The following PCDHA1 variants were observed in gnomAD, a reference collection of about 807,000 sequenced individuals.
The protein encoded by PCDHA1 is protocadherin alpha-1.
PCDHA1 carries 42 observed loss-of-function variants against 61.3 expected under a neutral mutation model. The ratio of observed to expected loss-of-function variants is 0.69; its 90% CI spans 0.54 to 0.89. The LOEUF (loss-of-function observed/expected upper bound fraction) is 0.89. Ranked by LOEUF, PCDHA1 falls within the 40% of genes least tolerant of loss-of-function variation. The pLI is 0.00. For synonymous variants in PCDHA1, 610 were observed against 553.8 expected (o/e 1.10, Z -1.43); for missense variants, 1,256 against 1,235.3 (o/e 1.02, Z -0.25).
At chr5:140,838,621 C>T (rs2150290768) in intron 1 of PCDHA1, among the ~76,000 whole-genome samples, 40 of 151,992 alleles carry the variant, frequency 2.6e-4, no homozygotes, top group Non-Finnish European at 5.1e-4. Context: ...AAATTTTTTA[C>T]AAATAATTTG....
intron 1 of PCDHA1, chr5:140,927,739 CG>C: frequency 1.2e-6 from 2 of 1,614,212 alleles, no homozygotes; most frequent in Non-Finnish European, 1.7e-6. Flanking sequence ...GCTGCGACAC[CG>C]CTTTCACGTG....
intron 1 of PCDHA1, chr5:140,823,703 G>C: frequency 6.2e-7 from 1 of 1,613,934 alleles, no homozygotes; most frequent in Non-Finnish European, 8.5e-7. Context: ...GAAGCACCGC[G>C]CCACCGCCTT....
intron 1 of PCDHA1, among the ~76,000 whole-genome samples, chr5:140,919,297 G>C (rs1351756549): frequency 6.6e-6 from 1 of 152,120 alleles, no homozygotes; most frequent in African/African-American, 2.4e-5. Context: ...GTTGCTGTTT[G>C]TACAATATAT....
intron 1 of PCDHA1, chr5:140,803,661 G>A (rs1554122919): frequency 6.2e-7 from 1 of 1,607,224 alleles, no homozygotes; most frequent in South Asian, 1.1e-5. Flanking sequence ...CACTCCTCTG[G>A]AAATACATTA....
At chr5:140,821,919 G>A (rs190099815) in intron 1 of PCDHA1, 67 of 1,614,198 alleles carry the variant, frequency 4.2e-5, no homozygotes, top group Non-Finnish European at 5.1e-5. Flanking sequence ...GCCGCATCGC[G>A]CAGGACCTAG....
chr5:140,828,150 T>C, intron 1 of PCDHA1: 1 of 1,614,088 alleles, frequency 6.2e-7, no homozygotes, highest in Non-Finnish European at 8.5e-7. Flanking sequence ...CCGCTTCTGC[T>C]CCTCGCAGCC....
chr5:140,834,978 CTT>C (rs1344020761), intron 1 of PCDHA1: 1 of 1,479,296 alleles, frequency 6.8e-7, no homozygotes, highest in Non-Finnish European at 9.1e-7. Flanking sequence ...ATTACGGAAA[CTT>C]TTAGACAGAG....
At chr5:140,801,648 C>G (rs782225894) in intron 1 of PCDHA1, 3 of 1,614,038 alleles carry the variant, frequency 1.9e-6, no homozygotes, top group Non-Finnish European at 2.5e-6. Flanking sequence ...GCCTGGCTCT[C>G]GGTTTTCGCT....
At chr5:140,793,336 G>A (rs1281252191) in intron 1 of PCDHA1, among the ~76,000 whole-genome samples, 1 of 152,216 alleles carries the variant, frequency 6.6e-6, no homozygotes, top group African/African-American at 2.4e-5. Context: ...CCATGTATGA[G>A]TCAGTACAGG....
At chr5:140,953,928 C>T (rs246028) in intron 1 of PCDHA1, among the ~76,000 whole-genome samples, 85,608 of 151,876 alleles carry the variant, frequency 0.56, 24,758 homozygotes, top group African/African-American at 0.69. Flanking sequence ...CTTCCTGATG[C>T]TCTCCCTCCC....
intron 1 of PCDHA1, chr5:140,927,252 C>A: frequency 6.2e-7 from 1 of 1,614,134 alleles, no homozygotes; most frequent in Non-Finnish European, 8.5e-7. Flanking sequence ...CCAATGACAA[C>A]TCACCTCTCT....
At chr5:140,818,754 C>T (rs2150102291) in intron 1 of PCDHA1, among the ~76,000 whole-genome samples, 1 of 152,194 alleles carries the variant, frequency 6.6e-6, no homozygotes, top group Non-Finnish European at 1.5e-5. Context: ...TGGAGGATGG[C>T]TTGAGCCTGA....
intron 1 of PCDHA1, among the ~76,000 whole-genome samples, chr5:140,971,248 A>G (rs552592175): frequency 6.6e-6 from 1 of 152,330 alleles, no homozygotes; most frequent in East Asian, 1.9e-4. Context: ...AATTTGATAC[A>G]TAAACTATTT....
At position 140,788,502 on chromosome 5, in the gene PCDHA1, A is replaced by T. The variant is rs182968439; in HGVS notation, c.2212A>T (p.Thr738Ser). 117 of 1,614,036 alleles carry T rather than the reference A, an allele frequency of 7.2e-5. No individual in the cohort carries two copies. The East Asian group carries it at 2.0e-3, about 28-fold the overall frequency. Residue 738 changes from threonine (T) to serine (S), a missense_variant, in exon 1 of 4, where the codon ACT becomes TCT. Physicochemically the swap from Thr to Ser is moderately conservative, Grantham distance 58 (BLOSUM62 1). Coordinates refer to ENST00000504120, the MANE Select transcript of PCDHA1 (RefSeq NM_018900.4). ...GGGTGCGTATGTGCCGGGCAAGCCC[A>T]CTCTGGTGTGCTCCAGCGCGTTGGG... ...TEGAYVPGKP[T>S]LVCSSALGSW...
At chr5:140,838,077 AGTGTGTGTGTG>A (rs1775481751) in intron 1 of PCDHA1, among the ~76,000 whole-genome samples, 1 of 80,664 alleles carries the variant, frequency 1.2e-5, no homozygotes, top group East Asian at 3.3e-4. Context: ...ATATATATAT[AGTGTGTGTGTG>A]TGTGTGTGTG....
At chr5:140,875,242 T>A in intron 1 of PCDHA1, 1 of 943,028 alleles carries the variant, frequency 1.1e-6, no homozygotes, top group Non-Finnish European at 1.5e-6. Flanking sequence ...TGTACTTACA[T>A]AATCAGTCAC....
rs188500854 is a variant in PCDHA1 at position 140,955,348 on chromosome 5, G to C, written c.2395-23601G>C. ...GTAGTTCCCATAATCCCCACATGTT[G>C]TGAGAGGGACCCAGTGGGAGGTAAT... On this transcript the variant is annotated intron_variant, in intron 1 of 3. Coordinates refer to ENST00000504120, the MANE Select transcript of PCDHA1 (RefSeq NM_018900.4). Among the ~76,000 whole-genome samples the C allele has an allele frequency of 1.6e-4, 24 of 152,204 alleles. No individual in the cohort carries two copies. The East Asian group carries it at 2.7e-3, about 17-fold the overall frequency.
chr5:140,788,183 C>T lies in PCDHA1; in HGVS notation c.1893C>T (p.Ile631=). The T allele has an allele frequency of 6.2e-7, 1 of 1,614,054 alleles. No homozygotes were observed. Among genetic ancestry groups the T allele is most frequent in the Admixed American group, 1.7e-5 (1 of 60,028 alleles). ...GCGTGGGGCTGTACACGGGCGAGAT[C>T]AGCACGACTCGTGTCCTGGACGAGG... ...PFRVGLYTGE[I]STTRVLDEAD... is the part of the protein sequence containing the mutation. The change falls in exon 1 of 4, where the codon ATC becomes ATT. Residue 631 remains isoleucine, a synonymous_variant. Coordinates refer to ENST00000504120, the MANE Select transcript of PCDHA1 (RefSeq NM_018900.4).
rs782073950 is a variant in PCDHA1, at chr5:140,978,950, C to G, written c.2396C>G (p.Pro799Arg). The G allele has an allele frequency of 1.2e-6, 2 of 1,614,102 alleles. No individual in the cohort carries two copies. The highest frequency in any genetic ancestry group is 1.7e-6 in the Non-Finnish European group (2 of 1,180,022). Reference sequence around the variant, plus strand: ...AAAACTCTCTTTGTGATTTTGCAGCCACGACAGCCCAACCCTGACTGGCGT... The same window carrying G: ...AAAACTCTCTTTGTGATTTTGCAGCGACGACAGCCCAACCCTGACTGGCGT... ...PEANLDLSGN[P>R]RQPNPDWRYS... The change falls in exon 2 of 4, where the codon CCA becomes CGA. Residue 799 changes from proline to arginine, a missense_variant and splice_region_variant. Coordinates refer to ENST00000504120, the MANE Select transcript of PCDHA1 (RefSeq NM_018900.4).
Sources: gnomAD v4.1 joint callset for allele counts (sites outside exome capture counted in the v4.1 genomes callset) on GRCh38, gnomAD v4.1.1 for gene constraint, MANE v1.5 for transcripts, NCBI Gene and HGNC (gene_info 2026-07-23, HGNC 2026-07-21) for gene names.